ZNF26: variants seen among roughly 807,000 people sequenced by gnomAD.
ZNF26 encodes zinc finger protein 26, also known as epididymis luminal protein 179.
ZNF26 carries 32 observed loss-of-function variants against 54.9 expected under a neutral mutation model. The observed-to-expected ratio is 0.58, with a 90% confidence interval of 0.44 to 0.78. The LOEUF (loss-of-function observed/expected upper bound fraction) is 0.78, where lower values mean the gene tolerates loss of function less well. ZNF26 is among the 30% of genes least tolerant of loss of function. ZNF26 has a pLI of 0.00. For missense variants in ZNF26, 524 were observed against 634.0 expected (o/e 0.83, Z 1.86); for synonymous variants, 221 against 209.2 (o/e 1.06, Z -0.49).
chr12:133,011,532 A>T lies in ZNF26; in HGVS notation c.*51A>T, dbSNP rs1953472806. 3.4e-6 allele frequency: 5 copies of T among 1,489,046 alleles called. No individual in the cohort carries two copies. The highest frequency in any genetic ancestry group is 4.5e-6 in the Non-Finnish European group (5 of 1,121,834). 92.2% of individuals were successfully genotyped at this position (1,489,046 alleles called of 1,614,324 possible). On this transcript the variant is annotated 3_prime_UTR_variant, in exon 4 of 4. Transcript: ENST00000328654. The stretch of plus-strand genomic sequence containing the variant: ...AACTGATGTTCAGGAGACTTCGGAT[A>T]ATATAGACAGGATTTACAAGCAGGA...
rs1335052755 is a variant in ZNF26, at chr12:133,018,395, A to G, written c.*6914A>G. On this transcript the variant is annotated 3_prime_UTR_variant, in exon 4 of 4. Transcript: ENST00000328654. ...AACTATATAGGAATAATGGGTTTAT[A>G]AAAGTCTTATTGGAATTAAGGTAGT... 6.6e-6 allele frequency: 1 copy of G among 152,238 alleles called. No individual in the cohort carries two copies. Among genetic ancestry groups the G allele is most frequent in the Non-Finnish European group, 1.5e-5 (1 of 68,038 alleles). The allele number at this position is 152,238 out of a possible 1,614,324, so 9.4% of individuals were successfully genotyped here.
At chr12:132,990,793 G>C (rs1952931574) in intron 1 of ZNF26, among the ~76,000 whole-genome samples, 1 of 152,100 alleles carries the variant, frequency 6.6e-6, no homozygotes, top group Non-Finnish European at 1.5e-5. Flanking sequence ...GATTTGGTCT[G>C]TTTCATCTAG....
At chr12:133,007,801 G>A (rs1405824048) in intron 3 of ZNF26, among the ~76,000 whole-genome samples, 4 of 152,184 alleles carry the variant, frequency 2.6e-5, no homozygotes, top group South Asian at 2.1e-4. Flanking sequence ...GTAAGTTTCC[G>A]TCCTCCCCAT....
Position 133,019,544 on chromosome 12 carries a change from T to C in ZNF26, c.*8063T>C. 6.6e-6 allele frequency: 1 copy of C among 152,134 alleles called. No homozygotes were observed. Among genetic ancestry groups the C allele is most frequent in the East Asian group, 1.9e-4 (1 of 5,182 alleles). 9.4% of individuals were successfully genotyped at this position (152,134 alleles called of 1,614,324 possible). On this transcript the variant is annotated 3_prime_UTR_variant, in exon 4 of 4. Coordinates refer to ENST00000328654, the MANE Select transcript of ZNF26 (RefSeq NM_019591.4). ...TCATCCCTCTTCAGTTAAAATGGCT[T>C]GTATCAGAAAGACAGGAAAGAACAG... is the stretch of plus-strand genomic sequence containing the variant.
rs1953501837 is a variant in ZNF26, at chr12:133,012,578, G to GTTTTTTTTTTTTTTTTTTTTGTTTTT, written c.*1117_*1118insGTTTTTTTTTTTTTTTTTTTTTTTTT. 2.7e-5 allele frequency: 1 copy of GTTTTTTTTTTTTTTTTTTTTGTTTTT among 37,652 alleles called. No individual in the cohort carries two copies. Among genetic ancestry groups the GTTTTTTTTTTTTTTTTTTTTGTTTTT allele is most frequent in the East Asian group, 9.0e-4 (1 of 1,108 alleles). The allele number at this position is 37,652 out of a possible 1,614,324, so 2.3% of individuals were successfully genotyped here. A position where few individuals can be genotyped will look rare whatever the true frequency, so the allele number is the denominator to read the frequency against. ...ATGTCTTTTGCTTTTTGTTGTTTGG[G>GTTTTTTTTTTTTTTTTTTTTGTTTTT]TTTTTTTTTTTTTTTTTTTTTTTTT... On this transcript the variant is annotated 3_prime_UTR_variant, in exon 4 of 4. Transcript: ENST00000328654.
intron 1 of ZNF26, among the ~76,000 whole-genome samples, chr12:132,987,511 C>T (rs1411953905): frequency 6.6e-6 from 1 of 152,112 alleles, no homozygotes; most frequent in Non-Finnish European, 1.5e-5. Context: ...GATTTGATTG[C>T]CAAATCCTTT....
intron 1 of ZNF26, 46 bp downstream of exon 1, chr12:132,986,919 G>A (rs1440748235): frequency 1.9e-6 from 3 of 1,573,022 alleles, no homozygotes; most frequent in Non-Finnish European, 2.6e-6. Flanking sequence ...GATACTGAGG[G>A]TGGCCACGTT....
chr12:132,994,844 ATTCT>A (rs1286294527), intron 1 of ZNF26, among the ~76,000 whole-genome samples: 1 of 152,174 alleles, frequency 6.6e-6, no homozygotes, highest in Non-Finnish European at 1.5e-5. Flanking sequence ...GGATGGAATA[ATTCT>A]TTGTTGTGGA....
intron 1 of ZNF26, among the ~76,000 whole-genome samples, chr12:132,991,361 G>A (rs1460899300): frequency 1.3e-5 from 2 of 151,550 alleles, no homozygotes; most frequent in African/African-American, 4.8e-5. Context: ...CGCCGGGCAT[G>A]GTGGCACACA....
rs556397191 is a variant in ZNF26, at chr12:132,993,524, T to C, written c.33+6651T>C. Among the ~76,000 whole-genome samples, 3 of 151,658 alleles carry C rather than the reference T, an allele frequency of 2.0e-5. No homozygotes were observed. In the South Asian group the frequency reaches 6.3e-4, roughly 32 times the overall value. On this transcript the variant is annotated intron_variant, in intron 1 of 3. Coordinates refer to ENST00000328654, the MANE Select transcript of ZNF26 (RefSeq NM_019591.4). ...AGGCTGGAGTGCAGTGGTGTGATCT[T>C]GGCTCACTACAACCTCCGCCTGTTG...
intron 3 of ZNF26, among the ~76,000 whole-genome samples, chr12:133,009,372 C>T (rs889987971): frequency 1.3e-5 from 2 of 152,094 alleles, no homozygotes; most frequent in South Asian, 2.1e-4. Flanking sequence ...GCGGGCGGAT[C>T]GCTTGAGCTC....
At chr12:132,987,049 C>A (rs1208554024) in intron 1 of ZNF26, among the ~76,000 whole-genome samples, 176 bp downstream of exon 1, 1 of 152,160 alleles carries the variant, frequency 6.6e-6, no homozygotes, top group East Asian at 1.9e-4. Context: ...AAGCTCTGGC[C>A]CTGCAGAAAC....
At chr12:133,006,722 G>A (rs1354370461) in intron 1 of ZNF26, 3 of 216,286 alleles carry the variant, frequency 1.4e-5, no homozygotes, top group Non-Finnish European at 2.8e-5. Flanking sequence ...AGCCACCTGA[G>A]TAGCTAGGAT....
chr12:133,006,092 T>TC, intron 1 of ZNF26: 2 of 985,284 alleles, frequency 2.0e-6, no homozygotes, highest in Non-Finnish European at 2.4e-6. Flanking sequence ...ATACAGAAAC[T>TC]CCATTTCTGA....
At chr12:132,990,246 C>T (rs1038476058) in intron 1 of ZNF26, among the ~76,000 whole-genome samples, 10 of 152,170 alleles carry the variant, frequency 6.6e-5, no homozygotes, top group African/African-American at 1.7e-4. Flanking sequence ...CATGTTTGCA[C>T]CACTGCACTC....
chr12:133,027,003 CAG>C lies in ZNF26; in HGVS notation c.*15524_*15525del, dbSNP rs1953714055. ...TTTGTTATAAAATTCTTAAGAAACT[CAG>C]AATAAAATGCAACACCTTTTTACGA... On this transcript the variant is annotated 3_prime_UTR_variant, in exon 4 of 4. Transcript: ENST00000328654. 1 of 151,982 alleles carries C rather than the reference CAG, an allele frequency of 6.6e-6. No individual in the cohort carries two copies. 9.4% of individuals were successfully genotyped at this position (151,982 alleles called of 1,614,324 possible). A position where few individuals can be genotyped will look rare whatever the true frequency, so the allele number is the denominator to read the frequency against.
Position 133,010,906 on chromosome 12 carries a change from C to G in ZNF26, c.1027C>G (p.Gln343Glu), listed in dbSNP as rs2137261355. Residue 343 changes from glutamine to glutamate, a missense_variant, in exon 4 of 4, where the codon CAA becomes GAA. Gln to Glu is a conservative substitution (Grantham distance 29). Coordinates refer to ENST00000328654, the MANE Select transcript of ZNF26 (RefSeq NM_019591.4). ...IRMHTGEKPYQCSDCGKAFNM... is the reference protein window; with the variant it reads ...IRMHTGEKPYECSDCGKAFNM... ...AATGCATACAGGAGAAAAACCCTAT[C>G]AATGCAGTGATTGTGGGAAAGCCTT... The G allele has an allele frequency of 1.2e-6, 2 of 1,613,788 alleles. No individual in the cohort carries two copies. The highest frequency in any genetic ancestry group is 3.3e-5 in the Admixed American group (2 of 59,982).
In ZNF26 at chr12:132,990,026, C is replaced by T. The variant is rs998618959; in HGVS notation, c.33+3153C>T. 1.9e-3 allele frequency among the ~76,000 whole-genome samples: 293 copies of T among 152,186 alleles called. 2 individuals carry two copies. The highest frequency in any genetic ancestry group is 0.01 in the Middle Eastern group (3 of 294). On this transcript the variant is annotated intron_variant, in intron 1 of 3. Transcript: ENST00000328654. Reference sequence around the variant, plus strand: ...TTTTTTCTGGGCCAGATGTGGCTCACACCTGTAATCACTTTGGGAGGCTGA... The same window carrying T: ...TTTTTTCTGGGCCAGATGTGGCTCATACCTGTAATCACTTTGGGAGGCTGA...
At position 133,023,006 on chromosome 12, in the gene ZNF26, C is replaced by T. The variant is rs1953662283; in HGVS notation, c.*11525C>T. ...GAAGCAGTGAGTTGGAAAAAGGGAA[C>T]ACTAAGTAGAGGCTTCAAGTTATTT... On this transcript the variant is annotated 3_prime_UTR_variant, in exon 4 of 4. Coordinates refer to ENST00000328654, the MANE Select transcript of ZNF26 (RefSeq NM_019591.4). 1 of 152,152 alleles carries T rather than the reference C, an allele frequency of 6.6e-6. No individual in the cohort carries two copies. Among genetic ancestry groups the T allele is most frequent in the East Asian group, 1.9e-4 (1 of 5,190 alleles). The allele number at this position is 152,152 out of a possible 1,614,324, so 9.4% of individuals were successfully genotyped here.
Sources: allele counts gnomAD v4.1 joint callset (sites outside exome capture counted in the v4.1 genomes callset), GRCh38; gene constraint gnomAD v4.1.1; transcripts MANE v1.5; gene names NCBI Gene and HGNC (gene_info 2026-07-23, HGNC 2026-07-21).